GLTP: variants seen among roughly 807,000 people sequenced by gnomAD.
GLTP encodes glycolipid transfer protein.
A neutral mutation model predicts 24.0 loss-of-function variants in GLTP; 22 were observed. The ratio of observed to expected loss-of-function variants is 0.92; its 90% CI spans 0.65 to 1.31. GLTP has a LOEUF of 1.31. Among genes scored for constraint, GLTP ranks in the 50% most tolerant of loss-of-function variants. The pLI, the probability that GLTP is intolerant of heterozygous loss-of-function variation, is 0.00. For missense variants in GLTP, 224 were observed against 276.6 expected (o/e 0.81, Z 1.35); for synonymous variants, 92 against 115.9 (o/e 0.79, Z 1.33).
Position 109,855,803 on chromosome 12 carries a change from C to T in GLTP, c.297-34G>A. ...CAGGGAGGAGAAGGTTCGTTAGGAC[C>T]CTGCACAGCCCTGTCGTGAAAGACC... On this transcript the variant is annotated intron_variant, in intron 3 of 4. Transcript: ENST00000318348. This position sits in a 1 kb window ranked among gnomAD's most constrained non-coding sequence, Gnocchi z 4.1. The T allele has an allele frequency of 6.6e-7, 1 of 1,513,368 alleles. No homozygotes were observed. The highest frequency in any genetic ancestry group is 8.9e-7 in the Non-Finnish European group (1 of 1,129,182). The allele number at this position is 1,513,368 out of a possible 1,614,324, so 93.7% of individuals were successfully genotyped here.
chr12:109,876,265 C>T (rs1238723282), intron 1 of GLTP, among the ~76,000 whole-genome samples: 1 of 152,166 alleles, frequency 6.6e-6, no homozygotes, highest in Non-Finnish European at 1.5e-5. Flanking sequence ...ATCACTTGAA[C>T]CCAGGAGGTG....
In GLTP at chr12:109,852,606, G is replaced by T. The variant is rs1440080520; in HGVS notation, c.579C>A (p.Val193=). 6.2e-7 allele frequency: 1 copy of T among 1,608,990 alleles called. No homozygotes were observed. Among genetic ancestry groups the T allele is most frequent in the East Asian group, 2.2e-5 (1 of 44,846 alleles). Residue 193 remains valine, a synonymous_variant, in exon 5 of 5, where the codon GTC becomes GTA. Transcript: ENST00000318348. ...TCATCTGGGTGTACATCTCGTAGAT[G>T]ACATCGATGGTCGCCGTGTAGTTGA... is the stretch of plus-strand genomic sequence containing the variant. The part of the protein sequence containing the change: ...FLVNYTATID[V]IYEMYTQMNA...
chr12:109,869,903 T>C (rs1308992674), intron 1 of GLTP, among the ~76,000 whole-genome samples: 4 of 151,872 alleles, frequency 2.6e-5, no homozygotes, highest in Non-Finnish European at 5.9e-5. Context: ...CTGAGTAGCT[T>C]GTGCCACCAT....
intron 1 of GLTP, chr12:109,860,001 G>A (rs1449150091): frequency 2.4e-5 from 2 of 84,268 alleles, no homozygotes; most frequent in African/African-American, 1.8e-4. Context: ...TTTTCCCCGA[G>A]ACTTTTTGCT....
rs186215751 is a variant in GLTP, at chr12:109,869,791, T to G, written c.103+10481A>C. Among the ~76,000 whole-genome samples the G allele has an allele frequency of 8.1e-4, 119 of 147,046 alleles. 1 individual carries two copies. The highest frequency in any genetic ancestry group is 2.8e-3 in the African/African-American group (110 of 39,770). On this transcript the variant is annotated intron_variant, in intron 1 of 4. Coordinates refer to ENST00000318348, the MANE Select transcript of GLTP (RefSeq NM_016433.4). ...ACTGGGAAAACTATTATCATTATTTTGAGACTCTCACTCTGTTGCCCAGGC... is the reference window on the plus strand; with the variant it reads ...ACTGGGAAAACTATTATCATTATTTGGAGACTCTCACTCTGTTGCCCAGGC...
intron 1 of GLTP, among the ~76,000 whole-genome samples, chr12:109,878,932 T>G (rs1048833976): frequency 3.3e-5 from 5 of 152,168 alleles, no homozygotes; most frequent in Admixed American, 2.0e-4. Context: ...AAAACTGGAT[T>G]CAGGAACTTA....
At chr12:109,873,403 C>T (rs1386122948) in intron 1 of GLTP, among the ~76,000 whole-genome samples, 1 of 151,804 alleles carries the variant, frequency 6.6e-6, no homozygotes, top group African/African-American at 2.4e-5. Flanking sequence ...GGGAGGCTGA[C>T]GTGGGTGGAT....
intron 1 of GLTP, among the ~76,000 whole-genome samples, chr12:109,878,325 G>C (rs530473566): frequency 1.5e-4 from 23 of 152,302 alleles, no homozygotes; most frequent in African/African-American, 5.3e-4. Flanking sequence ...CTTTGACACT[G>C]CTCATGTTTG....
rs1044823124 is a variant in GLTP at position 109,851,092 on chromosome 12, C to A, written c.*1463G>T. ...TGCCCCAGCACTTTAAAAAATACAG[C>A]TCTTTTTAGCGCCAGGAAGAACAGT... On this transcript the variant is annotated 3_prime_UTR_variant, in exon 5 of 5. Coordinates refer to ENST00000318348, the MANE Select transcript of GLTP (RefSeq NM_016433.4). The A allele has an allele frequency of 6.6e-6, 1 of 152,586 alleles. No individual in the cohort carries two copies. Among genetic ancestry groups the A allele is most frequent in the African/African-American group, 2.4e-5 (1 of 41,432 alleles). The allele number at this position is 152,586 out of a possible 1,614,324, so 9.5% of individuals were successfully genotyped here.
Position 109,855,931 on chromosome 12 carries a change from G to A in GLTP, c.297-162C>T, listed in dbSNP as rs1320818913. Among the ~76,000 whole-genome samples the A allele has an allele frequency of 6.6e-6, 1 of 151,968 alleles. No homozygotes were observed. The highest frequency in any genetic ancestry group is 1.5e-5 in the Non-Finnish European group (1 of 67,992). On this transcript the variant is annotated intron_variant, in intron 3 of 4. Transcript: ENST00000318348. This position sits in a 1 kb window ranked among gnomAD's most constrained non-coding sequence, Gnocchi z 4.1. ...TCTTTCCCTTCTGCTTACAAGTAAC[G>A]TGACCACTTGGCTCCATTGACTATC...
At chr12:109,865,464 C>A (rs1868496567) in intron 1 of GLTP, among the ~76,000 whole-genome samples, 1 of 152,058 alleles carries the variant, frequency 6.6e-6, no homozygotes, top group Non-Finnish European at 1.5e-5. Context: ...CCCATCTGTA[C>A]TAAAAATACA....
At chr12:109,869,116 A>G (rs181569200) in intron 1 of GLTP, among the ~76,000 whole-genome samples, 54 of 152,190 alleles carry the variant, frequency 3.5e-4, no homozygotes, top group African/African-American at 1.3e-3. Flanking sequence ...CCTGGCCAAC[A>G]TAGTGTGAAC....
chr12:109,857,576 T>C lies in GLTP; in HGVS notation c.246A>G (p.Gly82=). 1.2e-6 allele frequency: 2 copies of C among 1,614,090 alleles called. No individual in the cohort carries two copies. Among genetic ancestry groups the C allele is most frequent in the Non-Finnish European group, 8.5e-7 (1 of 1,179,984 alleles). ...TGGCCCCTACTTTGGGCCACTCTGCTCCATACATTTCTTTCTCCACCTCCA... is the reference window on the plus strand; with the variant it reads ...TGGCCCCTACTTTGGGCCACTCTGCCCCATACATTTCTTTCTCCACCTCCA... ...NILEVEKEMY[G]AEWPKVGATL... is the part of the protein sequence containing the mutation. The change falls in exon 3 of 5, where the codon GGA becomes GGG. Residue 82 remains glycine (G), a synonymous_variant. Transcript: ENST00000318348. The surrounding 1 kb of genome is among the most constrained non-coding windows in gnomAD (Gnocchi z 4.3).
intron 1 of GLTP, among the ~76,000 whole-genome samples, chr12:109,868,310 C>T (rs1483580789): frequency 1.3e-5 from 2 of 152,204 alleles, no homozygotes; most frequent in Non-Finnish European, 2.9e-5. Context: ...TGTACCCGAC[C>T]TCATTTCCTC....
chr12:109,866,697 C>G (rs559798230), intron 1 of GLTP, among the ~76,000 whole-genome samples: 28 of 151,778 alleles, frequency 1.8e-4, no homozygotes, highest in Non-Finnish European at 3.8e-4. Context: ...CTCAAACCGT[C>G]ACTAAATGAC....
intron 1 of GLTP, among the ~76,000 whole-genome samples, chr12:109,878,325 G>A (rs530473566): frequency 6.6e-6 from 1 of 152,184 alleles, no homozygotes; most frequent in Non-Finnish European, 1.5e-5. Context: ...CTTTGACACT[G>A]CTCATGTTTG....
intron 1 of GLTP, among the ~76,000 whole-genome samples, chr12:109,862,605 C>A (rs1268738787): frequency 6.6e-6 from 1 of 152,172 alleles, no homozygotes; most frequent in Non-Finnish European, 1.5e-5. Flanking sequence ...GTATAATGAG[C>A]TGGACGTGGT....
rs1004169431 is a variant in GLTP, at chr12:109,855,746, A to G, written c.320T>C (p.Phe107Ser). The change falls in exon 4 of 5, where the codon TTC (phenylalanine) becomes TCC (serine). Residue 107 changes from phenylalanine to serine, a missense_variant. Coordinates refer to ENST00000318348, the MANE Select transcript of GLTP (RefSeq NM_016433.4). This position sits in a 1 kb window ranked among gnomAD's most constrained non-coding sequence, Gnocchi z 4.1. ...CTCCCCGTCGCAGATGCTCTGGAGGAAGACCTGGATGAAGCGGAGGCCTCT... is the reference window on the plus strand; with the variant it reads ...CTCCCCGTCGCAGATGCTCTGGAGGGAGACCTGGATGAAGCGGAGGCCTCT... Reference protein sequence around the residue: ...LKRGLRFIQVFLQSICDGERD... With the variant: ...LKRGLRFIQVSLQSICDGERD... 2 of 1,605,796 alleles carry G rather than the reference A, an allele frequency of 1.2e-6. No individual in the cohort carries two copies. The highest frequency in any genetic ancestry group is 1.7e-6 in the Non-Finnish European group (2 of 1,176,118).
At chr12:109,859,603 G>T (rs1410205583) in intron 1 of GLTP, among the ~76,000 whole-genome samples, 2 of 102,084 alleles carry the variant, frequency 2.0e-5, no homozygotes, top group Non-Finnish European at 4.3e-5. Context: ...TAACAAAAAA[G>T]ATTTTTTTTA....
Sources: gnomAD v4.1 joint callset for allele counts (sites outside exome capture counted in the v4.1 genomes callset) on GRCh38, gnomAD v4.1.1 for gene constraint, Gnocchi (gnomAD v3.1) non-coding constraint, MANE v1.5 for transcripts, NCBI Gene and HGNC (gene_info 2026-07-23, HGNC 2026-07-21) for gene names.